The following SCMH1 variants were observed in gnomAD, a reference collection of about 807,000 sequenced individuals.
SCMH1 encodes the protein Scm polycomb group protein homolog 1, also known as polycomb protein SCMH1.
In SCMH1, 37 loss-of-function variants were observed where a neutral mutation model predicts 70.8. The ratio of observed to expected loss-of-function variants is 0.52; its 90% CI spans 0.40 to 0.69. SCMH1 has a LOEUF of 0.69. Ranked by LOEUF, SCMH1 falls within the 30% of genes least tolerant of loss-of-function variation. SCMH1 has a pLI of 0.00. For missense variants in SCMH1, 607 were observed against 827.3 expected (o/e 0.73, Z 3.27); for synonymous variants, 292 against 307.4 (o/e 0.95, Z 0.52).
At chr1:41,118,498 T>A (rs1313628578) in intron 6 of SCMH1, among the ~76,000 whole-genome samples, 1 of 152,204 alleles carries the variant, frequency 6.6e-6, no homozygotes, top group Non-Finnish European at 1.5e-5. Flanking sequence ...CAATGTAAAC[T>A]AACTCACTAC....
chr1:41,175,864 T>G (rs1342823624), intron 2 of SCMH1, among the ~76,000 whole-genome samples: 3 of 152,216 alleles, frequency 2.0e-5, no homozygotes, highest in Non-Finnish European at 4.4e-5. Flanking sequence ...AAAACTAGAT[T>G]AGGCTTTAAA....
chr1:41,066,186 G>A (rs1033139635), intron 10 of SCMH1, among the ~76,000 whole-genome samples: 3 of 152,202 alleles, frequency 2.0e-5, no homozygotes, highest in Admixed American at 2.0e-4. Flanking sequence ...TTATGGCTCA[G>A]AAAGGGTGTG....
rs150008856 is a variant in SCMH1, at chr1:41,118,625, C to T, written c.413-1615G>A. On this transcript the variant is annotated intron_variant, in intron 6 of 14. Coordinates refer to ENST00000337495, the Ensembl canonical transcript of SCMH1. Reference sequence around the variant, plus strand: ...AGGAATGACATTGGAAAGGATTGTCCTATCCAAAAATCTTCATTTTGCAAA... The same window carrying T: ...AGGAATGACATTGGAAAGGATTGTCTTATCCAAAAATCTTCATTTTGCAAA... 1.1e-3 allele frequency among the ~76,000 whole-genome samples: 175 copies of T among 152,242 alleles called. 1 individual carries two copies. The highest frequency in any genetic ancestry group is 3.8e-3 in the African/African-American group (157 of 41,534).
intron 6 of SCMH1, among the ~76,000 whole-genome samples, chr1:41,120,836 G>C (rs2147950719): frequency 6.6e-6 from 1 of 152,238 alleles, no homozygotes; most frequent in African/African-American, 2.4e-5. Flanking sequence ...GGAACCCCAG[G>C]ACTTCTTATT....
chr1:41,094,126 C>T (rs919143271), intron 8 of SCMH1, among the ~76,000 whole-genome samples: 5 of 152,174 alleles, frequency 3.3e-5, no homozygotes, highest in Admixed American at 6.5e-5. Context: ...CTCATTTCAT[C>T]GCAAAGAATG....
chr1:41,055,782 C>T (rs1006302947), intron 10 of SCMH1, among the ~76,000 whole-genome samples: 5 of 152,116 alleles, frequency 3.3e-5, no homozygotes, highest in African/African-American at 9.7e-5. Flanking sequence ...GTTCACAGGT[C>T]GTCGGGACAA....
intron 8 of SCMH1, among the ~76,000 whole-genome samples, chr1:41,082,119 C>T (rs1488038926): frequency 3.3e-5 from 5 of 151,788 alleles, no homozygotes; most frequent in Non-Finnish European, 7.4e-5. Context: ...ACTATGGGGG[C>T]GGCCAAAGAT....
At chr1:41,183,570 CAT>C (rs1379016048) in intron 2 of SCMH1, among the ~76,000 whole-genome samples, 1 of 143,882 alleles carries the variant, frequency 7.0e-6, no homozygotes, top group Admixed American at 7.0e-5. Flanking sequence ...CCACCTCCTA[CAT>C]TTATGCCTGT....
chr1:41,106,347 T>C (rs1253069054), intron 8 of SCMH1, among the ~76,000 whole-genome samples: 1 of 151,566 alleles, frequency 6.6e-6, no homozygotes, highest in Non-Finnish European at 1.5e-5. Context: ...GTTGTAAAAG[T>C]GTGACACCCC....
intron 2 of SCMH1, among the ~76,000 whole-genome samples, chr1:41,167,907 G>GTTTTTTT (rs202043541): frequency 2.0e-5 from 1 of 49,712 alleles, no homozygotes. Flanking sequence ...TGCTGGCAGT[G>GTTTTTTT]TTTTGTTTTT....
intron 2 of SCMH1, among the ~76,000 whole-genome samples, chr1:41,172,598 C>T (rs10889870): frequency 0.47 from 70,962 of 151,776 alleles, 18,351 homozygotes; most frequent in Admixed American, 0.6. Context: ...AAAATTTGTA[C>T]GGAACCATTA....
At chr1:41,072,712 A>T (rs889921833) in intron 9 of SCMH1, among the ~76,000 whole-genome samples, 10 of 152,194 alleles carry the variant, frequency 6.6e-5, no homozygotes, top group African/African-American at 1.4e-4. Flanking sequence ...AGTTTTTTTT[A>T]AAAATTAGCT....
At chr1:41,075,487 C>A in intron 8 of SCMH1, 36 bp from the exon 9 acceptor site, 1 of 1,548,670 alleles carries the variant, frequency 6.5e-7, no homozygotes, top group South Asian at 1.1e-5. Flanking sequence ...ACCCTCCCTC[C>A]CCCCTGCATT....
chr1:41,033,454 G>A (rs187266011), intron 13 of SCMH1, among the ~76,000 whole-genome samples: 43 of 152,218 alleles, frequency 2.8e-4, no homozygotes, highest in East Asian at 1.2e-3. Context: ...TGAAGGAGGC[G>A]TTATCACCAT....
chr1:41,210,867 T>C (rs954355144), intron 1 of SCMH1, among the ~76,000 whole-genome samples: 1 of 151,718 alleles, frequency 6.6e-6, no homozygotes, highest in African/African-American at 2.4e-5. Flanking sequence ...TGGAGTGCAA[T>C]GGCATGATCT....
At chr1:41,134,638 G>A (rs930724413) in intron 6 of SCMH1, among the ~76,000 whole-genome samples, 5 of 152,160 alleles carry the variant, frequency 3.3e-5, no homozygotes, top group African/African-American at 1.2e-4. Context: ...AAGAGCAGAA[G>A]TTCTTAATTT....
chr1:41,197,425 G>T (rs1653289892), intron 1 of SCMH1, among the ~76,000 whole-genome samples: 1 of 152,176 alleles, frequency 6.6e-6, no homozygotes. Flanking sequence ...TGTGCTAAGT[G>T]AAACTGGCCA....
At chr1:41,129,160 T>G (rs1673969270) in intron 6 of SCMH1, among the ~76,000 whole-genome samples, 1 of 152,186 alleles carries the variant, frequency 6.6e-6, no homozygotes, top group South Asian at 2.1e-4. Flanking sequence ...GGTGAGTTTT[T>G]CTCTTGCTTG....
intron 2 of SCMH1, among the ~76,000 whole-genome samples, chr1:41,165,505 C>T (rs972499931): frequency 6.6e-6 from 1 of 152,106 alleles, no homozygotes; most frequent in African/African-American, 2.4e-5. Flanking sequence ...ATATCCGTAA[C>T]AGTGTATAAA....
Sources: gnomAD v4.1 joint callset for allele counts (sites outside exome capture counted in the v4.1 genomes callset) on GRCh38, gnomAD v4.1.1 for gene constraint, MANE v1.5 for transcripts, NCBI Gene and HGNC (gene_info 2026-07-23, HGNC 2026-07-21) for gene names.